The following AFF2 variants were observed in gnomAD, a reference collection of about 807,000 sequenced individuals.
The protein encoded by AFF2 is AF4/FMR2 family member 2.
AFF2 carries 14 observed loss-of-function variants against 76.9 expected under a neutral mutation model. The observed-to-expected ratio is 0.18, with a 90% CI of 0.12 to 0.28. The LOEUF is 0.28. AFF2 is among the 10% of genes least tolerant of loss of function. AFF2 has a pLI of 1.00. For missense variants in AFF2, 868 were observed against 1,001.1 expected, an observed-to-expected ratio of 0.87 and a Z score of 1.79; for synonymous variants, 398 against 366.7, an observed-to-expected ratio of 1.09 and a Z score of -0.98.
intron 3 of AFF2, among the ~76,000 whole-genome samples, chrX:148,732,136 G>T (rs2124553908): frequency 1.2e-5 from 1 of 86,042 alleles, no homozygotes; most frequent in Admixed American, 1.2e-4. Context: ...TATGTTTACT[G>T]CGGCATTATT....
chrX:148,670,052 A>C (rs1557258924), intron 3 of AFF2, among the ~76,000 whole-genome samples: 1 of 111,707 alleles, frequency 9.0e-6, no homozygotes, highest in African/African-American at 3.3e-5. Context: ...TCATTTTCTT[A>C]TCATATTCCT....
rs933065318 is a variant in AFF2 at position 148,743,321 on chromosome X, A to C, written c.1042-66555A>C. On this transcript the variant is annotated intron_variant, in intron 3 of 20. Transcript: ENST00000370460. ...TAATGGAAAGAATTTTGTGTCCTTC[A>C]ATTGATGAAAGTGAAGATTTTACAG... Among the ~76,000 whole-genome samples, 3 of 112,299 alleles carry C rather than the reference A, an allele frequency of 2.7e-5. No homozygotes were observed. In the Admixed American group the frequency reaches 2.8e-4, roughly 11 times the overall value.
chrX:148,980,956 TA>T (rs1557290803), intron 19 of AFF2, among the ~76,000 whole-genome samples, 166 bp downstream of exon 19: 1 of 111,913 alleles, frequency 8.9e-6, no homozygotes, highest in Non-Finnish European at 1.9e-5. Context: ...CAGAAAAGTT[TA>T]AAAAGATGTG....
At chrX:148,790,666 C>T (rs996582546) in intron 3 of AFF2, among the ~76,000 whole-genome samples, 1 of 97,986 alleles carries the variant, frequency 1.0e-5, no homozygotes, top group East Asian at 3.5e-4. Flanking sequence ...GGGAGGGGAA[C>T]AACACTCACT....
At chrX:148,706,980 G>T (rs781956233) in intron 3 of AFF2, among the ~76,000 whole-genome samples, 1 of 112,075 alleles carries the variant, frequency 8.9e-6, no homozygotes, top group East Asian at 2.8e-4. Context: ...TCACTATGTA[G>T]ACATAGCTTA....
chrX:148,962,704 G>A lies in AFF2; in HGVS notation c.2691-11G>A. The A allele has an allele frequency of 8.4e-7, 1 of 1,187,855 alleles. No individual in the cohort carries two copies. Among genetic ancestry groups the A allele is most frequent in the Non-Finnish European group, 1.1e-6 (1 of 874,886 alleles). ...GACTTTATGACACCCTACACTTCTTGTTTTTCACAGAAATAATTCATCCAG... is the reference window on the plus strand; with the variant it reads ...GACTTTATGACACCCTACACTTCTTATTTTTCACAGAAATAATTCATCCAG... On this transcript the variant is annotated splice_polypyrimidine_tract_variant and intron_variant, in intron 12 of 20. Coordinates refer to ENST00000370460, the MANE Select transcript of AFF2 (RefSeq NM_002025.4).
intron 9 of AFF2, among the ~76,000 whole-genome samples, chrX:148,925,437 G>A (rs897543170): frequency 8.2e-4 from 92 of 112,627 alleles, no homozygotes; most frequent in African/African-American, 3.0e-3. Flanking sequence ...TTTCCACAGT[G>A]TGTGTTACAG....
chrX:148,876,716 A>G (rs2071039599), intron 7 of AFF2, among the ~76,000 whole-genome samples: 1 of 111,394 alleles, frequency 9.0e-6, no homozygotes, highest in African/African-American at 3.3e-5. Flanking sequence ...CTGGTGGTGT[A>G]GGGGAGCACT....
At chrX:148,806,777 CTAGACATT>C (rs2070140713) in intron 3 of AFF2, among the ~76,000 whole-genome samples, 1 of 112,099 alleles carries the variant, frequency 8.9e-6, no homozygotes, top group Non-Finnish European at 1.9e-5. Flanking sequence ...CCTATCCCAT[CTAGACATT>C]TAACTCTGAG....
intron 3 of AFF2, among the ~76,000 whole-genome samples, chrX:148,803,929 A>G (rs1234942627): frequency 9.0e-6 from 1 of 111,055 alleles, no homozygotes; most frequent in Admixed American, 9.6e-5. Context: ...GAGCCAGCAG[A>G]TGGAAAAGCA....
At chrX:148,920,005 A>T (rs1408769643) in intron 9 of AFF2, among the ~76,000 whole-genome samples, 3 of 111,851 alleles carry the variant, frequency 2.7e-5, no homozygotes, top group African/African-American at 9.8e-5. Flanking sequence ...GTGGCTTCCT[A>T]CCACCTCAAC....
chrX:148,606,749 C>A (rs1262335877), intron 1 of AFF2, among the ~76,000 whole-genome samples: 2 of 111,761 alleles, frequency 1.8e-5, no homozygotes, highest in Admixed American at 1.9e-4. Flanking sequence ...CACTTCAGGA[C>A]TTTGCAATAC....
chrX:148,834,856 C>A (rs926193342), intron 4 of AFF2, among the ~76,000 whole-genome samples: 2 of 111,935 alleles, frequency 1.8e-5, no homozygotes, highest in Non-Finnish European at 3.8e-5. Flanking sequence ...CTTGCTTGCT[C>A]CAAAGTCCTT....
chrX:148,840,135 T>C (rs1388435098), intron 5 of AFF2, among the ~76,000 whole-genome samples: 3 of 111,172 alleles, frequency 2.7e-5, no homozygotes, highest in African/African-American at 6.5e-5. Flanking sequence ...CAAGTAGAAT[T>C]GAGAGAATAA....
intron 3 of AFF2, among the ~76,000 whole-genome samples, chrX:148,786,248 C>A (rs1403289344): frequency 1.8e-5 from 2 of 111,816 alleles, no homozygotes; most frequent in South Asian, 3.7e-4. Context: ...GCCCTCCTGC[C>A]ATTGAGTATT....
intron 1 of AFF2, among the ~76,000 whole-genome samples, chrX:148,511,767 A>T (rs1257562157): frequency 2.7e-5 from 3 of 112,767 alleles, no homozygotes; most frequent in Non-Finnish European, 5.6e-5. Flanking sequence ...CCCAAGTCCA[A>T]CTCAGGTTTC....
chrX:148,765,133 G>A (rs1232159744), intron 3 of AFF2, among the ~76,000 whole-genome samples: 1 of 111,905 alleles, frequency 8.9e-6, no homozygotes, highest in Non-Finnish European at 1.9e-5. Context: ...CGATCCTCAC[G>A]CCTCGACCTC....
chrX:148,708,486 C>G (rs1310512345), intron 3 of AFF2, among the ~76,000 whole-genome samples: 1 of 112,079 alleles, frequency 8.9e-6, no homozygotes, highest in African/African-American at 3.2e-5. Flanking sequence ...CTTTGCCTTT[C>G]TTCTAATCTA....
intron 3 of AFF2, among the ~76,000 whole-genome samples, chrX:148,680,812 G>A (rs2054538968): frequency 9.0e-6 from 1 of 111,476 alleles, no homozygotes; most frequent in Non-Finnish European, 1.9e-5. Flanking sequence ...CTCTAGGGAA[G>A]TATGGTATTG....
Sources: allele counts gnomAD v4.1 joint callset (sites outside exome capture counted in the v4.1 genomes callset), GRCh38; gene constraint gnomAD v4.1.1; transcripts MANE v1.5; gene names NCBI Gene and HGNC (gene_info 2026-07-23, HGNC 2026-07-21).